SMAD5: variants seen among roughly 807,000 people sequenced by gnomAD.
SMAD5 encodes MAD, mothers against decapentaplegic homolog 5.
Under a neutral mutation model 43.1 loss-of-function variants are expected in SMAD5, and 9 were observed. That is an observed-to-expected ratio of 0.21 (90% confidence interval 0.13 to 0.36). SMAD5 has a LOEUF of 0.36. SMAD5 is among the 10% of genes least tolerant of loss of function. The pLI is 1.00. For synonymous variants in SMAD5, 190 were observed against 192.4 expected (o/e 0.99, Z 0.10); for missense variants, 348 against 574.0 (o/e 0.61, Z 4.02).
chr5:136,163,246 T>C, intron 4 of SMAD5, 26 bp from the exon 5 acceptor site: 8 of 1,565,174 alleles, frequency 5.1e-6, no homozygotes, highest in Non-Finnish European at 6.9e-6. Flanking sequence ...AATGAAGATT[T>C]TAATTATTAT....
chr5:136,176,109 A>G (rs1038961525), intron 7 of SMAD5, among the ~76,000 whole-genome samples: 5 of 152,148 alleles, frequency 3.3e-5, no homozygotes, highest in South Asian at 2.1e-4. Context: ...AATATCTACA[A>G]TGCCTTATCT....
At chr5:136,162,329 T>G in intron 4 of SMAD5, among the ~76,000 whole-genome samples, 1 of 152,194 alleles carries the variant, frequency 6.6e-6, no homozygotes, top group East Asian at 1.9e-4. Context: ...GGGAATGGAT[T>G]TTTTTTCTCA....
At chr5:136,138,681 T>TC (rs1752968934) in intron 1 of SMAD5, among the ~76,000 whole-genome samples, 1 of 151,880 alleles carries the variant, frequency 6.6e-6, no homozygotes, top group Non-Finnish European at 1.5e-5. Context: ...TACCCCCACA[T>TC]CCCCCCTGCC....
rs201309917 is a variant in SMAD5, at chr5:136,174,389, C to T, written c.1011C>T (p.Tyr337=). ...RRHIGKGVHL[Y]YVGGEVYAEC... Reference sequence around the variant, plus strand: ...TGTCTTTTTAAGGTGTTCATCTGTACTATGTTGGTGGAGAGGTGTATGCGG... The same window carrying T: ...TGTCTTTTTAAGGTGTTCATCTGTATTATGTTGGTGGAGAGGTGTATGCGG... The change falls in exon 7 of 8, where the codon TAC becomes TAT. Residue 337 remains tyrosine (Y), a synonymous_variant. Transcript: ENST00000545279. The T allele has an allele frequency of 2.4e-3, 3,880 of 1,613,698 alleles. 7 individuals are homozygous for T. Among genetic ancestry groups the T allele is most frequent in the Non-Finnish European group, 2.6e-3 (3,031 of 1,179,668 alleles).
At chr5:136,172,341 A>C (rs1754255124) in intron 5 of SMAD5, 93 bp from the exon 6 acceptor site, 8 of 690,542 alleles carry the variant, frequency 1.2e-5, no homozygotes, top group Non-Finnish European at 1.9e-5. Context: ...TTTCTTTTTC[A>C]TGTAATACTT....
chr5:136,137,270 A>AACCCC (rs759471282), intron 1 of SMAD5, among the ~76,000 whole-genome samples: 3 of 125,218 alleles, frequency 2.4e-5, no homozygotes, highest in Admixed American at 8.0e-5. Flanking sequence ...ATTTTTTGGG[A>AACCCC]CCCCCCCCCG....
intron 5 of SMAD5, among the ~76,000 whole-genome samples, chr5:136,164,920 G>A (rs1458290440): frequency 1.3e-5 from 2 of 152,124 alleles, no homozygotes; most frequent in Admixed American, 1.3e-4. Flanking sequence ...TCTACATTAA[G>A]TTTTTTGCAT....
At chr5:136,141,372 A>C (rs1042126690) in intron 1 of SMAD5, among the ~76,000 whole-genome samples, 4 of 152,186 alleles carry the variant, frequency 2.6e-5, no homozygotes, top group African/African-American at 9.7e-5. Flanking sequence ...CCTGGATTAC[A>C]TGCCCTTTCT....
At chr5:136,144,656 A>G (rs1580766549) in intron 1 of SMAD5, among the ~76,000 whole-genome samples, 1 of 151,246 alleles carries the variant, frequency 6.6e-6, no homozygotes, top group South Asian at 2.1e-4. Context: ...CCACTGGTGT[A>G]CTTTAGGATA....
At chr5:136,152,261 C>T (rs2149767639) in intron 2 of SMAD5, among the ~76,000 whole-genome samples, 1 of 152,228 alleles carries the variant, frequency 6.6e-6, no homozygotes, top group South Asian at 2.1e-4. Context: ...AGTTTATTGA[C>T]TGTTGAGATT....
At chr5:136,157,151 T>C (rs535784520) in intron 3 of SMAD5, among the ~76,000 whole-genome samples, 5 of 152,196 alleles carry the variant, frequency 3.3e-5, no homozygotes, top group African/African-American at 1.2e-4. Context: ...AGTTTACTTA[T>C]GGGTTTATAG....
At position 136,147,038 on chromosome 5, in the gene SMAD5, A is replaced by G. The variant is rs538517202; in HGVS notation, c.-244-794A>G. 2.0e-5 allele frequency among the ~76,000 whole-genome samples: 3 copies of G among 151,770 alleles called. No individual in the cohort carries two copies. The South Asian group carries it at 6.2e-4, about 31-fold the overall frequency. ...ACAAATATAAGCATACCATATGTTAATGGTATGATTATAGGTGAGTATACT... is the reference window on the plus strand; with the variant it reads ...ACAAATATAAGCATACCATATGTTAGTGGTATGATTATAGGTGAGTATACT... On this transcript the variant is annotated intron_variant, in intron 1 of 7. Coordinates refer to ENST00000545279, the MANE Select transcript of SMAD5 (RefSeq NM_005903.7).
chr5:136,142,826 A>G (rs1753127887), intron 1 of SMAD5, among the ~76,000 whole-genome samples: 1 of 152,144 alleles, frequency 6.6e-6, no homozygotes. Context: ...GATAAAACTA[A>G]GTGATAGGCT....
chr5:136,169,281 C>A (rs1209557410), intron 5 of SMAD5, among the ~76,000 whole-genome samples: 1 of 152,186 alleles, frequency 6.6e-6, no homozygotes, highest in Non-Finnish European at 1.5e-5. Context: ...CTTCTGCCTG[C>A]CTGCTTTATC....
chr5:136,140,349 A>C (rs943508743), intron 1 of SMAD5, among the ~76,000 whole-genome samples: 1 of 152,168 alleles, frequency 6.6e-6, no homozygotes, highest in Admixed American at 6.5e-5. Flanking sequence ...CTGAGTTCAC[A>C]GTTTCCTTAG....
At chr5:136,162,009 C>T (rs1443187546) in intron 4 of SMAD5, among the ~76,000 whole-genome samples, 2 of 152,154 alleles carry the variant, frequency 1.3e-5, no homozygotes, top group Non-Finnish European at 2.9e-5. Context: ...GTGAGCTGTG[C>T]ATATCTTTAA....
chr5:136,170,571 T>C (rs1261945960), intron 5 of SMAD5, among the ~76,000 whole-genome samples: 1 of 152,190 alleles, frequency 6.6e-6, no homozygotes, highest in African/African-American at 2.4e-5. Flanking sequence ...TTGAGGCTTT[T>C]ACCTCCCCAT....
intron 3 of SMAD5, among the ~76,000 whole-genome samples, chr5:136,157,881 T>A (rs1297869150): frequency 6.6e-6 from 1 of 152,198 alleles, no homozygotes; most frequent in Non-Finnish European, 1.5e-5. Context: ...GACTGTGGGT[T>A]CTGGAGCCAG....
At chr5:136,156,872 A>G (rs1444070181) in intron 3 of SMAD5, among the ~76,000 whole-genome samples, 2 of 152,206 alleles carry the variant, frequency 1.3e-5, no homozygotes, top group East Asian at 3.9e-4. Flanking sequence ...ACTATTGGAA[A>G]GAGACTATAG....
Sources: allele counts gnomAD v4.1 joint callset (sites outside exome capture counted in the v4.1 genomes callset), GRCh38; gene constraint gnomAD v4.1.1; transcripts MANE v1.5; gene names NCBI Gene and HGNC (gene_info 2026-07-23, HGNC 2026-07-21).